CLDND1: variants seen among roughly 807,000 people sequenced by gnomAD.
CLDND1 encodes claudin domain-containing protein 1.
A neutral mutation model predicts 26.3 loss-of-function variants in CLDND1; 13 were observed. That is an observed-to-expected ratio of 0.49 (90% CI 0.32 to 0.78). The LOEUF (loss-of-function observed/expected upper bound fraction) is 0.78, where lower values mean the gene tolerates loss of function less well. Among genes scored for constraint, CLDND1 ranks in the 30% least tolerant of loss-of-function variants. CLDND1 has a pLI of 0.03. For synonymous variants in CLDND1, 107 were observed against 107.0 expected (o/e 1.00, Z 0.00); for missense variants, 289 against 312.8 (o/e 0.92, Z 0.57).
Position 98,516,395 on chromosome 3 carries a change from T to G in CLDND1, c.*264A>C. The G allele has an allele frequency of 8.3e-7, 1 of 1,198,072 alleles. No individual in the cohort carries two copies. Among genetic ancestry groups the G allele is most frequent in the Non-Finnish European group, 1.0e-6 (1 of 965,170 alleles). The allele number at this position is 1,198,072 out of a possible 1,614,324, so 74.2% of individuals were successfully genotyped here. A position where few individuals can be genotyped will look rare whatever the true frequency, so the allele number is the denominator to read the frequency against. On this transcript the variant is annotated 3_prime_UTR_variant, in exon 5 of 5. Coordinates refer to ENST00000341181, the MANE Select transcript of CLDND1 (RefSeq NM_001040181.2). ...CATTCCTACTCCCAATTTTCTTTCATAAATTTGTGTCAAGTCTCTATCCAT... is the reference window on the plus strand; with the variant it reads ...CATTCCTACTCCCAATTTTCTTTCAGAAATTTGTGTCAAGTCTCTATCCAT...
chr3:98,518,052 G>A (rs1333762541), intron 3 of CLDND1, among the ~76,000 whole-genome samples: 1 of 152,040 alleles, frequency 6.6e-6, no homozygotes, highest in Non-Finnish European at 1.5e-5. Context: ...TCATCAACAT[G>A]GGAAGAAAAC....
In CLDND1 at chr3:98,515,683, A is replaced by T; in HGVS notation, c.*976T>A. 5 of 1,282,626 alleles carry T rather than the reference A, an allele frequency of 3.9e-6. No individual in the cohort carries two copies. Among genetic ancestry groups the T allele is most frequent in the Non-Finnish European group, 5.1e-6 (5 of 984,556 alleles). 79.5% of individuals were successfully genotyped at this position (1,282,626 alleles called of 1,614,324 possible). A position where few individuals can be genotyped will look rare whatever the true frequency, so the allele number is the denominator to read the frequency against. On this transcript the variant is annotated 3_prime_UTR_variant, in exon 5 of 5. Transcript: ENST00000341181. ...TTAAATAATGTTGATACACACCAGG[A>T]AGGGATTTAGGCAAGGAAAGGCACA...
Position 98,515,893 on chromosome 3 carries a change from G to C in CLDND1, c.*766C>G. On this transcript the variant is annotated 3_prime_UTR_variant, in exon 5 of 5. Coordinates refer to ENST00000341181, the MANE Select transcript of CLDND1 (RefSeq NM_001040181.2). ...TTGTAACTGTAATATAATGTAAAAA[G>C]AAAGCACACTTTTAATAACCCTGGT... 1.6e-6 allele frequency: 2 copies of C among 1,278,618 alleles called. No individual in the cohort carries two copies. The highest frequency in any genetic ancestry group is 2.1e-4 in the Middle Eastern group (1 of 4,662). The allele number at this position is 1,278,618 out of a possible 1,614,324, so 79.2% of individuals were successfully genotyped here.
intron 1 of CLDND1, chr3:98,522,427 G>C (rs1404765531): frequency 1.5e-6 from 1 of 645,372 alleles, no homozygotes; most frequent in East Asian, 9.5e-5. Flanking sequence ...GCTGAGTTTG[G>C]AAAATGGGAA....
Position 98,516,160 on chromosome 3 carries a change from A to ATC in CLDND1, c.*498_*499insGA, listed in dbSNP as rs752425412. The ATC allele has an allele frequency of 6.2e-5, 65 of 1,048,932 alleles. No individual in the cohort carries two copies. Among genetic ancestry groups the ATC allele is most frequent in the Admixed American group, 1.0e-4 (2 of 19,878 alleles). The allele number at this position is 1,048,932 out of a possible 1,614,324, so 65.0% of individuals were successfully genotyped here. A position where few individuals can be genotyped will look rare whatever the true frequency, so the allele number is the denominator to read the frequency against. ...CAATGCTTAGGGAAAATGATCTTAG[A>ATC]TAATTTCCCAATTTTATAGAGCTTA... is the stretch of plus-strand genomic sequence containing the variant. On this transcript the variant is annotated 3_prime_UTR_variant, in exon 5 of 5. Transcript: ENST00000341181.
intron 1 of CLDND1, 59 bp from the exon 2 acceptor site, chr3:98,521,501 A>C: frequency 6.5e-7 from 1 of 1,542,784 alleles, no homozygotes; most frequent in Non-Finnish European, 8.9e-7. Flanking sequence ...AAGAAAGATT[A>C]TTTTGAATTA....
chr3:98,520,486 T>C (rs1706360493), intron 2 of CLDND1, among the ~76,000 whole-genome samples: 1 of 152,112 alleles, frequency 6.6e-6, no homozygotes, highest in Admixed American at 6.5e-5. Flanking sequence ...GTTCTAAAGC[T>C]ACCATTTTAA....
intron 1 of CLDND1, 46 bp from the exon 2 acceptor site, chr3:98,521,488 A>C (rs142753635): frequency 0.01 from 15,725 of 1,566,402 alleles, 140 homozygotes; most frequent in Non-Finnish European, 0.011. Flanking sequence ...TTTACGGACA[A>C]ATAAGAAAGA....
Position 98,516,409 on chromosome 3 carries a change from G to C in CLDND1, c.*250C>G, listed in dbSNP as rs1706138783. The C allele has an allele frequency of 8.1e-7, 1 of 1,235,318 alleles. No individual in the cohort carries two copies. Among genetic ancestry groups the C allele is most frequent in the African/African-American group, 1.6e-5 (1 of 64,208 alleles). The allele number at this position is 1,235,318 out of a possible 1,614,324, so 76.5% of individuals were successfully genotyped here. A position where few individuals can be genotyped will look rare whatever the true frequency, so the allele number is the denominator to read the frequency against. ...ATTTTCTTTCATAAATTTGTGTCAAGTCTCTATCCATTTCTTTCTGTCTAG... is the reference window on the plus strand; with the variant it reads ...ATTTTCTTTCATAAATTTGTGTCAACTCTCTATCCATTTCTTTCTGTCTAG... On this transcript the variant is annotated 3_prime_UTR_variant, in exon 5 of 5. Coordinates refer to ENST00000341181, the MANE Select transcript of CLDND1 (RefSeq NM_001040181.2).
chr3:98,521,525 C>G, intron 1 of CLDND1, 83 bp from the exon 2 acceptor site: 1 of 1,490,106 alleles, frequency 6.7e-7, no homozygotes, highest in South Asian at 1.2e-5. Context: ...CAAATGCACC[C>G]TTTACCCAAT....
intron 1 of CLDND1, 98 bp from the exon 2 acceptor site, chr3:98,521,540 C>T (rs1706409725): frequency 6.8e-7 from 1 of 1,464,726 alleles, no homozygotes; most frequent in Non-Finnish European, 9.5e-7. Context: ...CCCAATTCCC[C>T]ATCCCTTCGT....
At chr3:98,522,625 C>A (rs1321032950) in intron 1 of CLDND1, 1 of 1,391,304 alleles carries the variant, frequency 7.2e-7, no homozygotes, top group African/African-American at 1.5e-5. Flanking sequence ...ACGGCGGGGC[C>A]GGAGAAGGCC....
chr3:98,521,524 C>A, intron 1 of CLDND1, 82 bp from the exon 2 acceptor site: 6 of 1,488,548 alleles, frequency 4.0e-6, no homozygotes, highest in Non-Finnish European at 5.6e-6. Context: ...CCAAATGCAC[C>A]CTTTACCCAA....
chr3:98,520,794 A>C (rs1706374825), intron 2 of CLDND1: 1 of 212,270 alleles, frequency 4.7e-6, no homozygotes, highest in African/African-American at 2.3e-5. Context: ...TAGTTACCAA[A>C]TATTTTTAAA....
intron 1 of CLDND1, chr3:98,521,838 T>A (rs1706427908): frequency 2.8e-6 from 2 of 719,790 alleles, no homozygotes; most frequent in African/African-American, 3.6e-5. Context: ...GGATTAAGTG[T>A]TCTGGGTTTG....
intron 3 of CLDND1, among the ~76,000 whole-genome samples, chr3:98,517,711 T>C (rs1213030315): frequency 6.6e-6 from 1 of 152,220 alleles, no homozygotes; most frequent in Non-Finnish European, 1.5e-5. Context: ...TAAGGTACTT[T>C]AGCAACCTTG....
intron 1 of CLDND1, chr3:98,521,982 C>G (rs1258015283): frequency 9.8e-6 from 4 of 409,928 alleles, no homozygotes; most frequent in African/African-American, 4.0e-5. Flanking sequence ...TGTTTGTTAA[C>G]CCCGAGGGAA....
chr3:98,516,164 T>C lies in CLDND1; in HGVS notation c.*495A>G, dbSNP rs878871359. 8 of 1,049,534 alleles carry C rather than the reference T, an allele frequency of 7.6e-6. No homozygotes were observed. In the South Asian group the frequency reaches 1.3e-4, roughly 17 times the overall value. 65.0% of individuals were successfully genotyped at this position (1,049,534 alleles called of 1,614,324 possible). On this transcript the variant is annotated 3_prime_UTR_variant, in exon 5 of 5. Transcript: ENST00000341181. ...GCTTAGGGAAAATGATCTTAGATAA[T>C]TTCCCAATTTTATAGAGCTTAAATC... is the stretch of plus-strand genomic sequence containing the variant.
chr3:98,517,724 A>G (rs113581887), intron 3 of CLDND1, among the ~76,000 whole-genome samples: 4 of 152,332 alleles, frequency 2.6e-5, no homozygotes, highest in African/African-American at 9.6e-5. Context: ...CAACCTTGGA[A>G]TTAGCAGGGG....
Sources: allele counts gnomAD v4.1 joint callset (sites outside exome capture counted in the v4.1 genomes callset), GRCh38; gene constraint gnomAD v4.1.1; transcripts MANE v1.5; gene names NCBI Gene and HGNC (gene_info 2026-07-23, HGNC 2026-07-21).